The following AK5 variants were observed in gnomAD, a reference collection of about 807,000 sequenced individuals.
The protein encoded by AK5 is adenylate kinase 5, also known as adenylate kinase isoenzyme 5.
A neutral mutation model predicts 69.5 loss-of-function variants in AK5; 27 were observed. That is an observed-to-expected ratio of 0.39 (90% CI 0.29 to 0.54). The LOEUF (loss-of-function observed/expected upper bound fraction) is 0.54. Ranked by LOEUF, AK5 falls within the 20% of genes least tolerant of loss-of-function variation. The pLI is 0.71. For missense variants in AK5, 531 were observed against 700.4 expected (o/e 0.76, Z 2.73); for synonymous variants, 260 against 244.4 (o/e 1.06, Z -0.60).
At chr1:77,469,447 C>G (rs117903918) in intron 8 of AK5, among the ~76,000 whole-genome samples, 1 of 152,168 alleles carries the variant, frequency 6.6e-6, no homozygotes, top group Non-Finnish European at 1.5e-5. Flanking sequence ...GCATATGGCC[C>G]GCAGTGAGAG....
Position 77,340,049 on chromosome 1 carries a change from T to C in AK5, c.700-328T>C, listed in dbSNP as rs984056033. On this transcript the variant is annotated intron_variant, in intron 5 of 13. Transcript: ENST00000354567. ...ATCTGTGGCCCAGTAGTTCCTCCCA[T>C]CTAAAATCAAGTTGCATATATAATA... is the stretch of plus-strand genomic sequence containing the variant. 2.6e-5 allele frequency among the ~76,000 whole-genome samples: 4 copies of C among 152,186 alleles called. No individual in the cohort carries two copies. The South Asian group carries it at 8.3e-4, about 31-fold the overall frequency.
At chr1:77,542,519 AG>A (rs1431115328) in intron 13 of AK5, among the ~76,000 whole-genome samples, 1 of 152,204 alleles carries the variant, frequency 6.6e-6, no homozygotes, top group Admixed American at 6.5e-5. Flanking sequence ...AAGCAGATGG[AG>A]GACAAGGAAT....
intron 6 of AK5, among the ~76,000 whole-genome samples, chr1:77,393,655 A>G (rs957689605): frequency 5.3e-5 from 8 of 152,160 alleles, no homozygotes; most frequent in Admixed American, 3.3e-4. Context: ...GATTTACTAC[A>G]TGCAAAGTTC....
At chr1:77,458,387 C>A (rs1192134115) in intron 8 of AK5, among the ~76,000 whole-genome samples, 1 of 152,306 alleles carries the variant, frequency 6.6e-6, no homozygotes, top group South Asian at 2.1e-4. Context: ...ATCATCTCCC[C>A]ATCTTAAGAT....
intron 6 of AK5, among the ~76,000 whole-genome samples, chr1:77,360,317 T>C (rs989031520): frequency 1.3e-5 from 2 of 152,190 alleles, no homozygotes; most frequent in Non-Finnish European, 2.9e-5. Flanking sequence ...ATTTAAAATG[T>C]TCCAGGGAGA....
chr1:77,308,369 A>G (rs1044823655), intron 5 of AK5, among the ~76,000 whole-genome samples: 2 of 148,884 alleles, frequency 1.3e-5, no homozygotes, highest in Non-Finnish European at 3.0e-5. Context: ...TCTCCAGGAG[A>G]TGGAGCTTGC....
intron 6 of AK5, among the ~76,000 whole-genome samples, chr1:77,381,457 C>A (rs1429999809): frequency 6.6e-6 from 1 of 152,174 alleles, no homozygotes; most frequent in East Asian, 1.9e-4. Flanking sequence ...ATATTTAACA[C>A]AGGCCAGCTA....
chr1:77,349,053 A>G lies in AK5; in HGVS notation c.891+8485A>G, dbSNP rs1662059085. Among the ~76,000 whole-genome samples, 9 of 152,322 alleles carry G rather than the reference A, an allele frequency of 5.9e-5. No individual in the cohort carries two copies. The South Asian group carries it at 1.9e-3, about 32-fold the overall frequency. Reference sequence around the variant, plus strand: ...TAAATGTCCCCCCTCCAAAAAAAAGAAGACAAAATAAAAGAAAAAGAATAA... The same window carrying G: ...TAAATGTCCCCCCTCCAAAAAAAAGGAGACAAAATAAAAGAAAAAGAATAA... On this transcript the variant is annotated intron_variant, in intron 6 of 13. Transcript: ENST00000354567.
chr1:77,373,200 G>T (rs1647153438), intron 6 of AK5, among the ~76,000 whole-genome samples: 1 of 151,896 alleles, frequency 6.6e-6, no homozygotes, highest in Admixed American at 6.6e-5. Flanking sequence ...TGCCAGCATG[G>T]GCACTCTCAT....
At chr1:77,461,487 T>C (rs1653837257) in intron 8 of AK5, among the ~76,000 whole-genome samples, 1 of 151,274 alleles carries the variant, frequency 6.6e-6, no homozygotes, top group South Asian at 2.1e-4. Flanking sequence ...AGAAATCTAT[T>C]GTGGCCGGGC....
intron 7 of AK5, among the ~76,000 whole-genome samples, chr1:77,416,389 CA>C (rs1415134831): frequency 1.3e-5 from 2 of 152,164 alleles, no homozygotes; most frequent in Non-Finnish European, 2.9e-5. Context: ...GTTCTGAACA[CA>C]CTTATGCAAC....
intron 5 of AK5, among the ~76,000 whole-genome samples, chr1:77,298,550 TC>T (rs1659144853): frequency 6.6e-6 from 1 of 151,624 alleles, no homozygotes; most frequent in South Asian, 2.1e-4. Context: ...ACGCCTGTAA[TC>T]CCAACACTTC....
intron 10 of AK5, among the ~76,000 whole-genome samples, chr1:77,490,204 ATGG>A (rs79848188): frequency 0.039 from 6,012 of 152,280 alleles, 153 homozygotes; most frequent in Middle Eastern, 0.079. Context: ...TTCTTGCAGG[ATGG>A]TTTTCATGTT....
chr1:77,371,758 A>G (rs1046592281), intron 6 of AK5, among the ~76,000 whole-genome samples: 3 of 152,224 alleles, frequency 2.0e-5, no homozygotes, highest in Non-Finnish European at 4.4e-5. Flanking sequence ...GGAAGTCTCT[A>G]TGATTTCACT....
chr1:77,427,683 A>G (rs1156645001), intron 8 of AK5, among the ~76,000 whole-genome samples: 1 of 152,204 alleles, frequency 6.6e-6, no homozygotes, highest in African/African-American at 2.4e-5. Flanking sequence ...GCAGACCAGT[A>G]TCTTTATAAG....
intron 13 of AK5, among the ~76,000 whole-genome samples, chr1:77,548,353 C>G (rs1312376183): frequency 1.3e-5 from 2 of 152,110 alleles, no homozygotes; most frequent in Non-Finnish European, 2.9e-5. Flanking sequence ...TTTTACATAA[C>G]CCCAACTTTT....
intron 13 of AK5, among the ~76,000 whole-genome samples, chr1:77,541,999 G>T (rs1659303871): frequency 6.6e-6 from 1 of 152,060 alleles, no homozygotes; most frequent in Non-Finnish European, 1.5e-5. Flanking sequence ...TGGTGCTGGG[G>T]ACACAGCAGT....
intron 6 of AK5, among the ~76,000 whole-genome samples, chr1:77,349,914 T>C (rs1359873356): frequency 6.6e-6 from 1 of 152,230 alleles, no homozygotes; most frequent in African/African-American, 2.4e-5. Context: ...TTCCCCATTA[T>C]GATAGTCCTT....
At position 77,433,930 on chromosome 1, in the gene AK5, A is replaced by G. The variant is rs552380860; in HGVS notation, c.1059+16215A>G. Among the ~76,000 whole-genome samples the G allele has an allele frequency of 3.3e-5, 5 of 151,550 alleles. 1 individual carries two copies. The highest frequency in any genetic ancestry group is 1.2e-4 in the African/African-American group (5 of 41,470). On this transcript the variant is annotated intron_variant, in intron 8 of 13. Coordinates refer to ENST00000354567, the MANE Select transcript of AK5 (RefSeq NM_174858.3). ...TTTTTATTTATTTTATTATCTAATAACTTTGATCTTAAAGTTATTAGAAAC... is the reference window on the plus strand; with the variant it reads ...TTTTTATTTATTTTATTATCTAATAGCTTTGATCTTAAAGTTATTAGAAAC...
Sources: gnomAD v4.1 joint callset for allele counts (sites outside exome capture counted in the v4.1 genomes callset) on GRCh38, gnomAD v4.1.1 for gene constraint, MANE v1.5 for transcripts, NCBI Gene and HGNC (gene_info 2026-07-23, HGNC 2026-07-21) for gene names.